GALNT13: variants seen among roughly 807,000 people sequenced by gnomAD.
GALNT13 encodes the protein UDP-GalNAc:polypeptide N-acetylgalactosaminyltransferase 13.
In GALNT13, 28 loss-of-function variants were observed where a neutral mutation model predicts 64.2. The ratio of observed to expected loss-of-function variants is 0.44; its 90% CI spans 0.32 to 0.60. GALNT13 has a LOEUF of 0.60. Among genes scored for constraint, GALNT13 ranks in the 20% least tolerant of loss-of-function variants. The pLI, the probability that GALNT13 is intolerant of heterozygous loss-of-function variation, is 0.05. For missense variants in GALNT13, 577 were observed against 669.8 expected (o/e 0.86, Z 1.53); for synonymous variants, 214 against 224.6 (o/e 0.95, Z 0.42).
the GALNT13 span, chr2:153,477,749 G>C: frequency 3.0e-4 from 47 of 157,692 alleles, no homozygotes; most frequent in East Asian, 4.7e-3. Flanking sequence ...TCCAGGGCAG[G>C]GGGGGAGCAG....
At chr2:153,461,516 T>G in the GALNT13 span, among the ~76,000 whole-genome samples, 7 of 152,160 alleles carry the variant, frequency 4.6e-5, no homozygotes, top group Admixed American at 2.0e-4. Flanking sequence ...ATGTGAGGAC[T>G]GGGGCCCCTC....
intron 9 of GALNT13, among the ~76,000 whole-genome samples, chr2:154,356,660 T>C (rs2105272841): frequency 6.6e-6 from 1 of 152,118 alleles, no homozygotes. Flanking sequence ...TTTAGGTCAG[T>C]TTTTCCCAAA....
the GALNT13 span, among the ~76,000 whole-genome samples, chr2:153,546,117 T>C: frequency 3.3e-5 from 5 of 152,318 alleles, no homozygotes; most frequent in Admixed American, 1.3e-4. Context: ...AGCCACAAAA[T>C]ACATAATCTC....
chr2:153,184,316 A>T, the GALNT13 span, among the ~76,000 whole-genome samples: 1 of 152,152 alleles, frequency 6.6e-6, no homozygotes, highest in African/African-American at 2.4e-5. Context: ...TTTGCACATC[A>T]ATTTTGTATC....
chr2:153,417,572 A>G, the GALNT13 span, among the ~76,000 whole-genome samples: 3 of 152,200 alleles, frequency 2.0e-5, no homozygotes, highest in Admixed American at 6.5e-5. Flanking sequence ...AGATGGAACT[A>G]TCAGGATTTT....
At chr2:153,105,433 A>G in the GALNT13 span, among the ~76,000 whole-genome samples, 2 of 152,070 alleles carry the variant, frequency 1.3e-5, no homozygotes, top group African/African-American at 4.8e-5. Flanking sequence ...ATGGACAAAA[A>G]CTGGAAGCAT....
intron 3 of GALNT13, among the ~76,000 whole-genome samples, chr2:154,070,102 G>T (rs2105387078): frequency 6.6e-6 from 1 of 152,214 alleles, no homozygotes; most frequent in Middle Eastern, 3.4e-3. Context: ...TCCTACTGAT[G>T]GTTGATATGT....
At chr2:153,377,324 C>T in the GALNT13 span, among the ~76,000 whole-genome samples, 1 of 152,094 alleles carries the variant, frequency 6.6e-6, no homozygotes, top group African/African-American at 2.4e-5. Flanking sequence ...TTATGGCAGG[C>T]TGCTGTGATT....
the GALNT13 span, among the ~76,000 whole-genome samples, chr2:153,762,850 G>C: frequency 6.6e-6 from 1 of 150,936 alleles, no homozygotes; most frequent in Admixed American, 6.6e-5. Flanking sequence ...ATCATCATTT[G>C]TGACTTAATG....
intron 7 of GALNT13, among the ~76,000 whole-genome samples, chr2:154,246,620 C>T (rs1029252702): frequency 3.9e-5 from 6 of 152,052 alleles, no homozygotes; most frequent in Non-Finnish European, 7.4e-5. Flanking sequence ...CCTACTTAAA[C>T]ACATTGTGGA....
intron 8 of GALNT13, among the ~76,000 whole-genome samples, chr2:154,267,141 A>T (rs965778058): frequency 6.6e-6 from 1 of 151,820 alleles, no homozygotes; most frequent in Non-Finnish European, 1.5e-5. Flanking sequence ...CTGAATGTCT[A>T]TGTGGGGGGG....
At chr2:153,786,778 A>G in the GALNT13 span, among the ~76,000 whole-genome samples, 1 of 152,100 alleles carries the variant, frequency 6.6e-6, no homozygotes. Flanking sequence ...CTGCCACTGC[A>G]GTGGTACTAC....
At chr2:153,821,449 C>T in the GALNT13 span, among the ~76,000 whole-genome samples, 1 of 152,118 alleles carries the variant, frequency 6.6e-6, no homozygotes, top group Non-Finnish European at 1.5e-5. Context: ...ATCTCAAAAC[C>T]ACACAATTAC....
the GALNT13 span, among the ~76,000 whole-genome samples, chr2:153,387,284 G>A: frequency 2.0e-5 from 3 of 152,104 alleles, no homozygotes; most frequent in South Asian, 4.1e-4. Context: ...CATCATGATC[G>A]ACTTAAACAA....
chr2:153,439,518 G>T, the GALNT13 span, among the ~76,000 whole-genome samples: 1 of 152,180 alleles, frequency 6.6e-6, no homozygotes, highest in Non-Finnish European at 1.5e-5. Context: ...CTGGGCAATA[G>T]CAGGTGCCCC....
rs1687641431 is a variant in GALNT13, at chr2:153,892,844, G to C, written c.-176-8092G>C. 2.6e-5 allele frequency among the ~76,000 whole-genome samples: 4 copies of C among 151,820 alleles called. No homozygotes were observed. The South Asian group carries it at 8.3e-4, about 32-fold the overall frequency. Reference sequence around the variant, plus strand: ...GACATGTGAACCCTAATGTATGCTAGCCAAATACTCATTAAACCCATGACA... The same window carrying C: ...GACATGTGAACCCTAATGTATGCTACCCAAATACTCATTAAACCCATGACA... On this transcript the variant is annotated intron_variant, in intron 1 of 12. Transcript: ENST00000392825.
At chr2:154,213,399 G>T (rs1687881160) in intron 4 of GALNT13, among the ~76,000 whole-genome samples, 1 of 152,138 alleles carries the variant, frequency 6.6e-6, no homozygotes, top group African/African-American at 2.4e-5. Context: ...TTATATTGAA[G>T]TTAAGGTGGT....
chr2:154,284,942 T>C (rs1692176938), intron 8 of GALNT13, among the ~76,000 whole-genome samples: 1 of 152,182 alleles, frequency 6.6e-6, no homozygotes, highest in Non-Finnish European at 1.5e-5. Context: ...TGAGGTGATA[T>C]CTCATGTGGT....
At chr2:153,702,898 C>G in the GALNT13 span, among the ~76,000 whole-genome samples, 10 of 152,000 alleles carry the variant, frequency 6.6e-5, no homozygotes, top group African/African-American at 2.4e-4. Flanking sequence ...ACTTGATGAG[C>G]ATGAAAAGTC....
Sources: gnomAD v4.1 joint callset for allele counts (sites outside exome capture counted in the v4.1 genomes callset) on GRCh38, gnomAD v4.1.1 for gene constraint, MANE v1.5 for transcripts, NCBI Gene and HGNC (gene_info 2026-07-23, HGNC 2026-07-21) for gene names.